Variants in KAZN observed in about 807,000 individuals in gnomAD.
KAZN encodes the protein kazrin, periplakin interacting protein.
In KAZN, 40 loss-of-function variants were observed where a neutral mutation model predicts 87.4. That is an observed-to-expected ratio of 0.46 (90% CI 0.36 to 0.60). The LOEUF is 0.60. KAZN is among the 20% of genes least tolerant of loss of function. KAZN has a pLI of 0.00. For missense variants in KAZN, 898 were observed against 1,073.9 expected, an observed-to-expected ratio of 0.84 and a Z score of 2.29; for synonymous variants, 466 against 458.3, an observed-to-expected ratio of 1.02 and a Z score of -0.22.
chr1:14,833,214 G>A lies in KAZN; in HGVS notation c.227-127470G>A, dbSNP rs116386155. Among the ~76,000 whole-genome samples the A allele has an allele frequency of 3.2e-3, 494 of 152,064 alleles. 4 individuals are homozygous for A. Among genetic ancestry groups the A allele is most frequent in the African/African-American group, 0.011 (446 of 41,370 alleles). On this transcript the variant is annotated intron_variant, in intron 1 of 14. Coordinates refer to ENST00000376030, the MANE Select transcript of KAZN (RefSeq NM_201628.3). The stretch of plus-strand genomic sequence containing the variant: ...ACCACTCACCGAGTTGGACCATGGC[G>A]TGACAGTGGCAGTGGGTTTCTAGCA...
rs185712027 is a variant in KAZN, at chr1:14,575,018, A to T, written c.250-23965A>T. 2.6e-5 allele frequency among the ~76,000 whole-genome samples: 4 copies of T among 152,232 alleles called. No individual in the cohort carries two copies. The East Asian group carries it at 7.7e-4, about 29-fold the overall frequency. ...GCGCAGGTGTGGGAGCTTATGGCAC[A>T]TTTGAGGATTCTGGTAGGTAGTGGC... On this transcript the variant is annotated intron_variant, in intron 2 of 16. Transcript: ENST00000636203.
At chr1:14,644,850 G>T (rs1452819101) in intron 1 of KAZN, among the ~76,000 whole-genome samples, 1 of 152,110 alleles carries the variant, frequency 6.6e-6, no homozygotes, top group Non-Finnish European at 1.5e-5. Flanking sequence ...GATTGCTTTT[G>T]GTGTCTTTGT....
intron 1 of KAZN, among the ~76,000 whole-genome samples, chr1:14,793,233 C>T (rs1288216163): frequency 9.9e-5 from 15 of 152,070 alleles, no homozygotes; most frequent in East Asian, 1.9e-4. Flanking sequence ...CAGCACCAGG[C>T]GATGGCATCT....
At chr1:14,900,200 C>T (rs1443801034) in intron 1 of KAZN, among the ~76,000 whole-genome samples, 1 of 152,152 alleles carries the variant, frequency 6.6e-6, no homozygotes, top group East Asian at 1.9e-4. Flanking sequence ...GACCCCAGGG[C>T]CAATGTTCTG....
At chr1:14,702,643 G>C (rs1420815266) in intron 1 of KAZN, among the ~76,000 whole-genome samples, 2 of 152,090 alleles carry the variant, frequency 1.3e-5, no homozygotes, top group Non-Finnish European at 2.9e-5. Flanking sequence ...TGTATCGATA[G>C]ATTAGAGTTG....
At chr1:14,687,202 C>T (rs1266176795) in intron 1 of KAZN, among the ~76,000 whole-genome samples, 1 of 152,108 alleles carries the variant, frequency 6.6e-6, no homozygotes. Context: ...AATGGCAGCC[C>T]CCATAAGGCT....
intron 2 of KAZN, among the ~76,000 whole-genome samples, chr1:14,258,077 G>A (rs1439091558): frequency 6.6e-6 from 1 of 151,400 alleles, no homozygotes; most frequent in Non-Finnish European, 1.5e-5. Context: ...AGACTGAACG[G>A]ATGAAGAGAG....
At chr1:14,725,592 C>T (rs910060893) in intron 1 of KAZN, among the ~76,000 whole-genome samples, 55 of 152,066 alleles carry the variant, frequency 3.6e-4, no homozygotes, top group Non-Finnish European at 6.6e-4. Context: ...CACTGTTCCC[C>T]TTTTACAGGT....
chr1:14,422,508 T>A (rs1421516615), intron 2 of KAZN, among the ~76,000 whole-genome samples: 1 of 152,218 alleles, frequency 6.6e-6, no homozygotes, highest in Non-Finnish European at 1.5e-5. Context: ...TAAGCAGTCA[T>A]TTGTATTTTA....
At chr1:14,558,975 C>T (rs903178681) in intron 2 of KAZN, among the ~76,000 whole-genome samples, 1 of 152,286 alleles carries the variant, frequency 6.6e-6, no homozygotes, top group Admixed American at 6.5e-5. Context: ...TTCTCTCTGC[C>T]TCCTCTGCCC....
chr1:14,560,693 CAG>C (rs1163100571), intron 2 of KAZN, among the ~76,000 whole-genome samples: 4 of 151,904 alleles, frequency 2.6e-5, no homozygotes, highest in African/African-American at 9.7e-5. Context: ...CATTAAATAA[CAG>C]TGGTGGTGGT....
intron 1 of KAZN, among the ~76,000 whole-genome samples, chr1:14,818,686 G>A (rs1299428164): frequency 6.6e-6 from 1 of 152,200 alleles, no homozygotes; most frequent in African/African-American, 2.4e-5. Context: ...TGCAGGGAAG[G>A]AGCAGACCTC....
At chr1:14,658,992 A>C (rs1312014258) in intron 1 of KAZN, among the ~76,000 whole-genome samples, 1 of 152,182 alleles carries the variant, frequency 6.6e-6, no homozygotes, top group African/African-American at 2.4e-5. Flanking sequence ...TAATCTCAGC[A>C]CTTCAAGAGG....
chr1:14,110,584 T>A (rs200050174), intron 1 of KAZN, among the ~76,000 whole-genome samples: 8 of 77,882 alleles, frequency 1.0e-4, no homozygotes, highest in Admixed American at 3.6e-4. Context: ...GGAGGTTTTA[T>A]TTGCATGACT....
At chr1:14,634,977 C>T (rs1679851929) in intron 1 of KAZN, among the ~76,000 whole-genome samples, 1 of 152,150 alleles carries the variant, frequency 6.6e-6, no homozygotes, top group East Asian at 1.9e-4. Context: ...AGGCTGAATG[C>T]ACCTGGACAA....
chr1:14,541,375 A>T (rs184089689), intron 2 of KAZN, among the ~76,000 whole-genome samples: 28 of 152,322 alleles, frequency 1.8e-4, no homozygotes, highest in Admixed American at 1.8e-3. Context: ...TTCCTGGGGC[A>T]TGTGAATATG....
intron 2 of KAZN, among the ~76,000 whole-genome samples, chr1:14,390,248 C>A (rs1433835716): frequency 6.6e-6 from 1 of 151,994 alleles, no homozygotes; most frequent in Non-Finnish European, 1.5e-5. Context: ...GTAAAACATA[C>A]AAAAAACAGG....
intron 2 of KAZN, chr1:14,304,534 G>A (rs1019157657): frequency 1.3e-5 from 5 of 397,826 alleles, no homozygotes; most frequent in Non-Finnish European, 1.8e-5. Context: ...ATTCCGTTCT[G>A]AGGAAGTTTG....
At chr1:14,170,693 T>C (rs150963591) in intron 1 of KAZN, among the ~76,000 whole-genome samples, 12 of 151,602 alleles carry the variant, frequency 7.9e-5, no homozygotes, top group African/African-American at 2.9e-4. Flanking sequence ...GTTAATCCTA[T>C]GTTCTGCTCC....
Sources: gnomAD v4.1 joint callset for allele counts (sites outside exome capture counted in the v4.1 genomes callset) on GRCh38, gnomAD v4.1.1 for gene constraint, MANE v1.5 for transcripts, NCBI Gene and HGNC (gene_info 2026-07-23, HGNC 2026-07-21) for gene names.